The following ADAMTSL1 variants were observed in gnomAD, a reference collection of about 807,000 sequenced individuals.
The protein encoded by ADAMTSL1 is ADAMTS like 1.
Under a neutral mutation model 201.8 loss-of-function variants are expected in ADAMTSL1, and 126 were observed. That is an observed-to-expected ratio of 0.62 (90% CI 0.54 to 0.72). The LOEUF (loss-of-function observed/expected upper bound fraction) is 0.72, where lower values mean the gene tolerates loss of function less well. Among genes scored for constraint, ADAMTSL1 ranks in the 30% least tolerant of loss-of-function variants. The pLI is 0.00. For missense variants in ADAMTSL1, 2,679 were observed against 2,277.8 expected (o/e 1.18, Z -3.59); for synonymous variants, 1,121 against 903.4 (o/e 1.24, Z -4.32).
intron 1 of ADAMTSL1, among the ~76,000 whole-genome samples, chr9:18,161,231 C>G (rs942023976): frequency 1.3e-5 from 2 of 151,834 alleles, no homozygotes; most frequent in African/African-American, 2.4e-5. Flanking sequence ...AGTGTTCAGC[C>G]TTTATATTTG....
At chr9:18,368,084 T>G (rs1370528357) in intron 2 of ADAMTSL1, among the ~76,000 whole-genome samples, 1 of 151,752 alleles carries the variant, frequency 6.6e-6, no homozygotes, top group African/African-American at 2.4e-5. Context: ...TTTTTTAATT[T>G]TTTTTTATTT....
intron 4 of ADAMTSL1, among the ~76,000 whole-genome samples, chr9:18,617,527 C>A (rs1054969035): frequency 1.3e-5 from 2 of 149,640 alleles, no homozygotes; most frequent in African/African-American, 4.9e-5. Context: ...GGTCGGGGGG[C>A]AGTTCTCTCC....
At chr9:18,236,310 G>A (rs772938365) in intron 2 of ADAMTSL1, among the ~76,000 whole-genome samples, 37 of 152,130 alleles carry the variant, frequency 2.4e-4, no homozygotes, top group Non-Finnish European at 4.9e-4. Flanking sequence ...GCCTGACCCC[G>A]TGAACCACCC....
At chr9:18,299,736 G>A (rs1186497472) in intron 2 of ADAMTSL1, among the ~76,000 whole-genome samples, 2 of 152,202 alleles carry the variant, frequency 1.3e-5, no homozygotes, top group African/African-American at 4.8e-5. Context: ...ACTGGAAGCC[G>A]CCAAAATAGG....
chr9:18,087,359 T>C (rs2131800624), intron 1 of ADAMTSL1, among the ~76,000 whole-genome samples: 1 of 152,254 alleles, frequency 6.6e-6, no homozygotes, highest in East Asian at 1.9e-4. Flanking sequence ...GTTTGTGCAA[T>C]AATTGATAAA....
At position 18,905,879 on chromosome 9, in the gene ADAMTSL1, G is replaced by A. The variant is rs373127809; in HGVS notation, c.4949G>A (p.Ser1650Asn). 2.5e-6 allele frequency: 4 copies of A among 1,609,974 alleles called. No individual in the cohort carries two copies. In the African/African-American group the frequency reaches 4.0e-5, roughly 16 times the overall value. The stretch of plus-strand genomic sequence containing the variant: ...ATCACCTTACCATCAGAGCAGTGCA[G>A]TGCTCTTCCGAGGTAAGAGAAAGCC... Reference protein sequence around the residue: ...DGITLPSEQCSALPRPVSTQN... With the variant: ...DGITLPSEQCNALPRPVSTQN... The change falls in exon 27 of 29, where the codon AGT becomes AAT. Residue 1650 changes from serine to asparagine, a missense_variant. Coordinates refer to ENST00000380548, the MANE Select transcript of ADAMTSL1 (RefSeq NM_001040272.6).
At chr9:18,523,973 G>A (rs1221104464) in intron 2 of ADAMTSL1, among the ~76,000 whole-genome samples, 12 of 143,776 alleles carry the variant, frequency 8.3e-5, no homozygotes, top group African/African-American at 2.6e-4. Flanking sequence ...TTCCAATTCT[G>A]TGAAGAAAGT....
intron 2 of ADAMTSL1, among the ~76,000 whole-genome samples, chr9:18,393,614 C>T (rs937040569): frequency 6.6e-6 from 1 of 152,200 alleles, no homozygotes; most frequent in Non-Finnish European, 1.5e-5. Flanking sequence ...CCCTAGTAAC[C>T]TTCTACCCTG....
intron 20 of ADAMTSL1, among the ~76,000 whole-genome samples, chr9:18,800,406 G>GAAAAAAAAAAAAAAAA (rs1333240566): frequency 8.8e-6 from 1 of 113,826 alleles, no homozygotes. Context: ...AAAAAAAAAG[G>GAAAAAAAAAAAAAAAA]AAAAATGGAC....
At chr9:18,878,279 T>C (rs537373020) in intron 23 of ADAMTSL1, among the ~76,000 whole-genome samples, 57 of 152,208 alleles carry the variant, frequency 3.7e-4, no homozygotes, top group African/African-American at 1.2e-3. Flanking sequence ...CTGCACTCCC[T>C]GTTAACCCCC....
At chr9:18,790,085 G>T (rs10506564) in intron 19 of ADAMTSL1, among the ~76,000 whole-genome samples, 4,680 of 152,210 alleles carry the variant, frequency 0.031, 259 homozygotes, top group African/African-American at 0.11. Context: ...CTTAGGTTAT[G>T]TGTACCATCA....
intron 1 of ADAMTSL1, among the ~76,000 whole-genome samples, chr9:18,064,655 A>G (rs1261597498): frequency 6.6e-6 from 1 of 151,762 alleles, no homozygotes; most frequent in Non-Finnish European, 1.5e-5. Flanking sequence ...AGACGAGTTG[A>G]TGAAAGAATG....
At chr9:18,105,937 G>A (rs563851821) in intron 1 of ADAMTSL1, among the ~76,000 whole-genome samples, 3 of 152,298 alleles carry the variant, frequency 2.0e-5, no homozygotes, top group South Asian at 4.1e-4. Flanking sequence ...AACAGGTTTA[G>A]TTACAGCAGT....
chr9:18,192,341 T>C (rs1157447154), intron 2 of ADAMTSL1, among the ~76,000 whole-genome samples: 2 of 152,174 alleles, frequency 1.3e-5, no homozygotes, highest in Non-Finnish European at 2.9e-5. Context: ...CAAAATCTCC[T>C]TATATTTCAG....
chr9:17,983,276 A>AG (rs145357052), intron 1 of ADAMTSL1, among the ~76,000 whole-genome samples: 1,790 of 151,776 alleles, frequency 0.012, 40 homozygotes, highest in African/African-American at 0.041. Context: ...TCACCATGTT[A>AG]GCCAGGATGG....
chr9:18,102,889 T>C (rs1824592900), intron 1 of ADAMTSL1, among the ~76,000 whole-genome samples: 3 of 152,180 alleles, frequency 2.0e-5, no homozygotes, highest in African/African-American at 4.8e-5. Flanking sequence ...TGATTCTGTG[T>C]GGAGGGTCAG....
intron 3 of ADAMTSL1, among the ~76,000 whole-genome samples, chr9:18,551,055 T>C (rs1820770529): frequency 6.6e-6 from 1 of 151,836 alleles, no homozygotes; most frequent in East Asian, 1.9e-4. Context: ...GCCTTACCAA[T>C]TTAATAGAAG....
chr9:18,572,117 C>T (rs888416273), intron 3 of ADAMTSL1, among the ~76,000 whole-genome samples: 3 of 151,924 alleles, frequency 2.0e-5, no homozygotes, highest in Non-Finnish European at 4.4e-5. Context: ...ACTGCTTGAA[C>T]CCAGGAGGCG....
Position 17,979,108 on chromosome 9 carries a change from C to T in ADAMTSL1, c.87+72186C>T, listed in dbSNP as rs181795311. 2.2e-3 allele frequency among the ~76,000 whole-genome samples: 333 copies of T among 152,106 alleles called. 1 individual carries two copies. The highest frequency in any genetic ancestry group is 9.6e-3 in the South Asian group (46 of 4,812). ...TTTCTTGCTGCTTTAAAAAATTTCC[C>T]TCCGATTTTGACAGTTTGATTATAA... On this transcript the variant is annotated intron_variant, in intron 1 of 29. Coordinates refer to the ADAMTSL1 transcript ENST00000680146.
Sources: allele counts gnomAD v4.1 joint callset (sites outside exome capture counted in the v4.1 genomes callset), GRCh38; gene constraint gnomAD v4.1.1; transcripts MANE v1.5; gene names NCBI Gene and HGNC (gene_info 2026-07-23, HGNC 2026-07-21).